Variants in MCUB observed in about 807,000 individuals in gnomAD.
MCUB encodes the protein calcium uniporter regulatory subunit MCUb, mitochondrial.
MCUB carries 46 observed loss-of-function variants against 41.4 expected under a neutral mutation model. That is an observed-to-expected ratio of 1.11 (90% CI 0.88 to 1.42). MCUB has a LOEUF of 1.42. Ranked by LOEUF, MCUB falls within the 40% of genes most tolerant of loss-of-function variation. The pLI, the probability that MCUB is intolerant of heterozygous loss-of-function variation, is 0.00. For missense variants in MCUB, 403 were observed against 404.9 expected, an observed-to-expected ratio of 1.00 and a Z score of 0.04; for synonymous variants, 148 against 148.2, an observed-to-expected ratio of 1.00 and a Z score of 0.01.
chr4:109,582,097 A>G (rs1398351239), intron 1 of MCUB, among the ~76,000 whole-genome samples: 1 of 152,122 alleles, frequency 6.6e-6, no homozygotes, highest in Non-Finnish European at 1.5e-5. Flanking sequence ...TTGAGGCACT[A>G]TTCACCATAG....
chr4:109,600,545 G>C (rs1436300753), intron 1 of MCUB, among the ~76,000 whole-genome samples: 1 of 152,198 alleles, frequency 6.6e-6, no homozygotes, highest in Non-Finnish European at 1.5e-5. Context: ...TCACCCATCT[G>C]ATGCTCTGAG....
Position 109,667,147 on chromosome 4 carries a change from G to A in MCUB, c.451+2753G>A, listed in dbSNP as rs116965468. ...CCCTCTGCTTCTGTCTTCTGAAAGA[G>A]ATTGTAGATAATTAATATAGTTTCT... On this transcript the variant is annotated intron_variant, in intron 4 of 7. Coordinates refer to ENST00000394650, the MANE Select transcript of MCUB (RefSeq NM_017918.5). Among the ~76,000 whole-genome samples, 1,132 of 152,242 alleles carry A rather than the reference G, an allele frequency of 7.4e-3. 27 individuals carry two copies. The highest frequency in any genetic ancestry group is 0.059 in the South Asian group (287 of 4,828).
At chr4:109,600,679 C>T (rs75941222) in intron 1 of MCUB, among the ~76,000 whole-genome samples, 2,819 of 152,216 alleles carry the variant, frequency 0.019, 68 homozygotes, top group South Asian at 0.074. Flanking sequence ...CTGAGAAAAA[C>T]CCTGGTTCCT....
intron 1 of MCUB, among the ~76,000 whole-genome samples, chr4:109,617,933 C>G (rs1445136991): frequency 6.6e-6 from 1 of 152,116 alleles, no homozygotes; most frequent in African/African-American, 2.4e-5. Flanking sequence ...CTTGGAAAGG[C>G]CTGGGAAGTC....
chr4:109,604,075 A>G (rs1727813961), intron 1 of MCUB, among the ~76,000 whole-genome samples: 1 of 151,966 alleles, frequency 6.6e-6, no homozygotes, highest in South Asian at 2.1e-4. Flanking sequence ...CTGTTAATCT[A>G]TAACCTTACC....
At chr4:109,594,919 G>A (rs182238103) in intron 1 of MCUB, among the ~76,000 whole-genome samples, 1 of 151,860 alleles carries the variant, frequency 6.6e-6, no homozygotes, top group African/African-American at 2.4e-5. Context: ...GCAAGCCTTG[G>A]AAGCAGAGAG....
At chr4:109,626,821 CAAAAAAAA>C (rs58560479) in intron 1 of MCUB, among the ~76,000 whole-genome samples, 3 of 81,584 alleles carry the variant, frequency 3.7e-5, no homozygotes, top group Non-Finnish European at 6.8e-5. Flanking sequence ...GAGTCCGACT[CAAAAAAAA>C]AAAAAAAAAA....
intron 1 of MCUB, among the ~76,000 whole-genome samples, chr4:109,635,720 C>T (rs557464887): frequency 1.2e-4 from 18 of 152,218 alleles, no homozygotes; most frequent in African/African-American, 4.1e-4. Context: ...CCTTCCTTCT[C>T]GCCTATTAAA....
chr4:109,667,338 C>G (rs1347102993), intron 4 of MCUB, among the ~76,000 whole-genome samples: 1 of 152,034 alleles, frequency 6.6e-6, no homozygotes, highest in East Asian at 1.9e-4. Flanking sequence ...GAGAATTAAT[C>G]TATTTTGTCT....
intron 1 of MCUB, among the ~76,000 whole-genome samples, chr4:109,655,295 G>T (rs1337277705): frequency 6.7e-6 from 1 of 150,188 alleles, no homozygotes; most frequent in Non-Finnish European, 1.5e-5. Flanking sequence ...CCAACACGTG[G>T]TTGCATTCAC....
At chr4:109,662,044 A>T (rs923452624) in intron 3 of MCUB, among the ~76,000 whole-genome samples, 1 of 152,164 alleles carries the variant, frequency 6.6e-6, no homozygotes, top group Non-Finnish European at 1.5e-5. Context: ...GTGGGAGCCT[A>T]CTACACAGTG....
chr4:109,649,148 A>C (rs1728905082), intron 1 of MCUB, among the ~76,000 whole-genome samples: 1 of 151,772 alleles, frequency 6.6e-6, no homozygotes, highest in African/African-American at 2.4e-5. Context: ...AAATCCAACA[A>C]CTTCTGTCCT....
intron 1 of MCUB, among the ~76,000 whole-genome samples, chr4:109,571,316 T>C (rs144931975): frequency 2.0e-5 from 3 of 152,194 alleles, no homozygotes; most frequent in African/African-American, 7.2e-5. Flanking sequence ...TATTTATTTA[T>C]TTATTTATTT....
intron 1 of MCUB, among the ~76,000 whole-genome samples, chr4:109,583,407 A>C (rs754389551): frequency 6.6e-6 from 1 of 152,104 alleles, no homozygotes; most frequent in Non-Finnish European, 1.5e-5. Flanking sequence ...TTGCACATTC[A>C]TTTTTGTATC....
Position 109,682,595 on chromosome 4 carries a change from T to G in MCUB, c.465T>G (p.Asn155Lys), listed in dbSNP as rs202191981. The G allele has an allele frequency of 1.2e-6, 2 of 1,608,174 alleles. No individual in the cohort carries two copies. The highest frequency in any genetic ancestry group is 1.3e-5 in the African/African-American group (1 of 74,568). The change falls in exon 5 of 8, where the codon AAT (asparagine) becomes AAG (lysine). Residue 155 changes from asparagine to lysine, a missense_variant. By Grantham distance (94) the Asn-to-Lys change is moderately conservative (BLOSUM62 0). Transcript: ENST00000394650. ...VQCPKREKPS[N>K]EHTAEMEHMK... Reference sequence around the variant, plus strand: ...GTCTTTTCTCAGAAAAACCAAGTAATGAGCACACTGCTGAGATGGAACACA... The same window carrying G: ...GTCTTTTCTCAGAAAAACCAAGTAAGGAGCACACTGCTGAGATGGAACACA...
chr4:109,577,083 C>T (rs1727047807), intron 1 of MCUB, among the ~76,000 whole-genome samples: 1 of 152,174 alleles, frequency 6.6e-6, no homozygotes, highest in Non-Finnish European at 1.5e-5. Flanking sequence ...AACTTCTTAC[C>T]TCAAGTGATC....
At chr4:109,661,888 C>T (rs1408246195) in intron 3 of MCUB, among the ~76,000 whole-genome samples, 2 of 152,138 alleles carry the variant, frequency 1.3e-5, no homozygotes, top group African/African-American at 2.4e-5. Context: ...CAAAAATTAG[C>T]CAGGTGTAGT....
intron 4 of MCUB, among the ~76,000 whole-genome samples, chr4:109,680,887 C>G (rs1368079745): frequency 1.3e-5 from 2 of 152,138 alleles, no homozygotes. Context: ...TGAACAATTA[C>G]AGCTCTCAGA....
intron 1 of MCUB, among the ~76,000 whole-genome samples, chr4:109,570,640 T>G (rs1418912068): frequency 1.3e-5 from 2 of 152,248 alleles, no homozygotes; most frequent in African/African-American, 4.8e-5. Flanking sequence ...GGCTGTAGTT[T>G]TGGCCAGCTT....
Sources: allele counts gnomAD v4.1 joint callset (sites outside exome capture counted in the v4.1 genomes callset), GRCh38; gene constraint gnomAD v4.1.1; transcripts MANE v1.5; gene names NCBI Gene and HGNC (gene_info 2026-07-23, HGNC 2026-07-21).